Variants in XPNPEP2 observed in about 807,000 individuals in gnomAD.
XPNPEP2 encodes the protein xaa-Pro aminopeptidase 2.
XPNPEP2 carries 64 observed loss-of-function variants against 59.8 expected under a neutral mutation model. That is an observed-to-expected ratio of 1.07 (90% CI 0.87 to 1.32). The LOEUF is 1.32. Among genes scored for constraint, XPNPEP2 ranks in the 40% most tolerant of loss-of-function variants. The pLI, the probability that XPNPEP2 is intolerant of heterozygous loss-of-function variation, is 0.00. For synonymous variants in XPNPEP2, 235 were observed against 210.0 expected (o/e 1.12, Z -1.03); for missense variants, 575 against 546.8 (o/e 1.05, Z -0.51).
intron 8 of XPNPEP2, among the ~76,000 whole-genome samples, chrX:129,751,151 A>T (rs1185132483): frequency 1.2e-5 from 1 of 83,566 alleles, no homozygotes; most frequent in Non-Finnish European, 2.2e-5. Context: ...GAGGTAGATG[A>T]TACAAGCATG....
At chrX:129,749,215 G>C (rs1926351304) in intron 7 of XPNPEP2, among the ~76,000 whole-genome samples, 1 of 111,403 alleles carries the variant, frequency 9.0e-6, no homozygotes, top group Admixed American at 9.6e-5. Flanking sequence ...ACAGAAAATA[G>C]ATTAGGGATT....
At chrX:129,740,737 C>T (rs1429804582) in intron 1 of XPNPEP2, among the ~76,000 whole-genome samples, 6 of 110,168 alleles carry the variant, frequency 5.4e-5, no homozygotes, top group Non-Finnish European at 1.1e-4. Context: ...GTCAGGAGTT[C>T]GAGACCAGCC....
rs1365244738 is a variant in XPNPEP2 at position 129,747,754 on chromosome X, G to A, written c.637+1G>A. 8.3e-7 allele frequency: 1 copy of A among 1,211,942 alleles called. No individual in the cohort carries two copies. On this transcript the variant is annotated splice_donor_variant, in intron 7 of 20. Coordinates refer to ENST00000371106, the MANE Select transcript of XPNPEP2 (RefSeq NM_003399.6). LOFTEE classifies it high-confidence loss of function. ...TATGCCCTGCAGGAGGCATTCACAGGTGATTCAGTAAGCCCAGTTTCCTTC... is the reference window on the plus strand; with the variant it reads ...TATGCCCTGCAGGAGGCATTCACAGATGATTCAGTAAGCCCAGTTTCCTTC...
chrX:129,758,214 G>C (rs1223435645), intron 14 of XPNPEP2, among the ~76,000 whole-genome samples: 1 of 111,987 alleles, frequency 8.9e-6, no homozygotes, highest in Non-Finnish European at 1.9e-5. Context: ...AGAGTAGCAG[G>C]CGCTCAGCTT....
At chrX:129,758,182 T>C (rs1369700462) in intron 14 of XPNPEP2, among the ~76,000 whole-genome samples, 1 of 111,802 alleles carries the variant, frequency 8.9e-6, no homozygotes, top group Non-Finnish European at 1.9e-5. Flanking sequence ...TTGCTTGTTC[T>C]TAGCACAGCT....
intron 3 of XPNPEP2, 38 bp from the exon 4 acceptor site, chrX:129,745,165 C>A (rs1221100320): frequency 2.5e-6 from 3 of 1,206,156 alleles, no homozygotes; most frequent in African/African-American, 1.8e-5. Context: ...GATCTGATAC[C>A]ACGAAAAAGG....
At chrX:129,763,348 G>A (rs1443583127) in intron 19 of XPNPEP2, among the ~76,000 whole-genome samples, 2 of 112,222 alleles carry the variant, frequency 1.8e-5, no homozygotes, top group African/African-American at 3.2e-5. Context: ...AAATAAACAT[G>A]CGAAGATAGC....
At chrX:129,764,345 T>C (rs1926707868) in intron 19 of XPNPEP2, among the ~76,000 whole-genome samples, 1 of 110,436 alleles carries the variant, frequency 9.1e-6, no homozygotes, top group African/African-American at 3.3e-5. Context: ...TGTGGAAAGA[T>C]GCTCAAGTTC....
In XPNPEP2 at chrX:129,742,101, C is replaced by G; in HGVS notation, c.50-7C>G. ...AAATGACCCTGGATTTTTCTCCCGG[C>G]TTCTAGCTTGTGCCTGGGGCCACAC... is the stretch of plus-strand genomic sequence containing the variant. On this transcript the variant is annotated splice_region_variant and splice_polypyrimidine_tract_variant and intron_variant, in intron 1 of 20. Transcript: ENST00000371106. The G allele has an allele frequency of 8.3e-7, 1 of 1,208,936 alleles. No homozygotes were observed. The highest frequency in any genetic ancestry group is 1.1e-6 in the Non-Finnish European group (1 of 893,431).
rs191303402 is a variant in XPNPEP2, at chrX:129,754,449, T to C, written c.1108-23T>C. Reference sequence around the variant, plus strand: ...AACCAGACCTCACCCGGCTCCTCTGTTTCCCTGCTTCCCCAACTCCAGGTG... The same window carrying C: ...AACCAGACCTCACCCGGCTCCTCTGCTTCCCTGCTTCCCCAACTCCAGGTG... On this transcript the variant is annotated intron_variant, in intron 11 of 20. Coordinates refer to ENST00000371106, the MANE Select transcript of XPNPEP2 (RefSeq NM_003399.6). 883 of 1,156,587 alleles carry C rather than the reference T, an allele frequency of 7.6e-4. 3 individuals are homozygous for C. Among genetic ancestry groups the C allele is most frequent in the Non-Finnish European group, 1.5e-4 (127 of 868,459 alleles).
At chrX:129,762,093 C>T (rs1376207268) in intron 18 of XPNPEP2, 28 bp downstream of exon 18, 10 of 1,197,490 alleles carry the variant, frequency 8.4e-6, no homozygotes, top group Middle Eastern at 2.5e-4. Flanking sequence ...CTCTACCTCA[C>T]CACCCCATCC....
chrX:129,743,897 A>C, intron 2 of XPNPEP2, 64 bp from the exon 3 acceptor site: 1 of 1,069,617 alleles, frequency 9.3e-7, no homozygotes, highest in Non-Finnish European at 1.3e-6. Flanking sequence ...CCCAGATGTC[A>C]TTTTCTCTAA....
intron 6 of XPNPEP2, 110 bp downstream of exon 6, chrX:129,746,791 A>G: frequency 6.0e-6 from 4 of 667,229 alleles, no homozygotes; most frequent in Non-Finnish European, 9.6e-6. Flanking sequence ...TGGGACTATA[A>G]AGATAGAGCA....
At chrX:129,748,997 T>G (rs1245260055) in intron 7 of XPNPEP2, among the ~76,000 whole-genome samples, 1 of 111,250 alleles carries the variant, frequency 9.0e-6, no homozygotes, top group Non-Finnish European at 1.9e-5. Context: ...GAAAGGAGAG[T>G]GCAAAGGGCA....
intron 19 of XPNPEP2, among the ~76,000 whole-genome samples, chrX:129,766,904 G>A (rs1234169604): frequency 9.0e-6 from 1 of 111,415 alleles, no homozygotes; most frequent in Non-Finnish European, 1.9e-5. Context: ...CAAGAGCAGG[G>A]AAAACTGTCT....
chrX:129,760,239 G>A (rs958655186), intron 15 of XPNPEP2, among the ~76,000 whole-genome samples: 7 of 112,400 alleles, frequency 6.2e-5, no homozygotes, highest in Non-Finnish European at 9.4e-5. Context: ...TCGGTTCACC[G>A]CCACCAAGTG....
chrX:129,754,405 T>C (rs916846858), intron 11 of XPNPEP2, 67 bp from the exon 12 acceptor site: 13 of 1,003,672 alleles, frequency 1.3e-5, no homozygotes, highest in Admixed American at 7.1e-5. Context: ...ATCTCCATCA[T>C]CTTGGAGCCT....
chrX:129,768,981 A>C lies in XPNPEP2; in HGVS notation c.*496A>C. On this transcript the variant is annotated 3_prime_UTR_variant, in exon 21 of 21. Coordinates refer to ENST00000371106, the MANE Select transcript of XPNPEP2 (RefSeq NM_003399.6). Reference sequence around the variant, plus strand: ...ACATCAACCCCCCACATGTGAACCCATCATTCCTAAACCCTGGGTAGGCTC... The same window carrying C: ...ACATCAACCCCCCACATGTGAACCCCTCATTCCTAAACCCTGGGTAGGCTC... 8.7e-6 allele frequency: 1 copy of C among 114,360 alleles called. No individual in the cohort carries two copies. Among genetic ancestry groups the C allele is most frequent in the Non-Finnish European group, 1.9e-5 (1 of 53,994 alleles). 9.4% of individuals were successfully genotyped at this position (114,360 alleles called of 1,213,427 possible).
intron 19 of XPNPEP2, among the ~76,000 whole-genome samples, chrX:129,765,519 T>A (rs1926732551): frequency 3.6e-5 from 4 of 111,542 alleles, no homozygotes; most frequent in South Asian, 7.5e-4. Flanking sequence ...GCCCATTTCC[T>A]CACATACTCA....
Sources: gnomAD v4.1 joint callset for allele counts (sites outside exome capture counted in the v4.1 genomes callset) on GRCh38, gnomAD v4.1.1 for gene constraint, MANE v1.5 for transcripts, NCBI Gene and HGNC (gene_info 2026-07-23, HGNC 2026-07-21) for gene names.